SAAL1: variants seen among roughly 807,000 people sequenced by gnomAD.
SAAL1 encodes protein SAAL1.
SAAL1 carries 42 observed loss-of-function variants against 59.8 expected under a neutral mutation model. The observed-to-expected ratio is 0.70, with a 90% CI of 0.55 to 0.91. The LOEUF (loss-of-function observed/expected upper bound fraction) is 0.91, where lower values mean the gene tolerates loss of function less well. SAAL1 is among the 40% of genes least tolerant of loss of function. The pLI is 0.00. For missense variants in SAAL1, 542 were observed against 561.1 expected (o/e 0.97, Z 0.34); for synonymous variants, 191 against 194.3 (o/e 0.98, Z 0.14).
chr11:18,086,645 G>C (rs909729596), intron 9 of SAAL1, among the ~76,000 whole-genome samples: 1 of 152,110 alleles, frequency 6.6e-6, no homozygotes, highest in Non-Finnish European at 1.5e-5. Flanking sequence ...AGGTTACACT[G>C]AGCCAAGATT....
At position 18,087,054 on chromosome 11, in the gene SAAL1, A is replaced by G; in HGVS notation, c.854T>C (p.Val285Ala). ...TTVDDGIQAI[V>A]HCPDTGKDIW... Reference sequence around the variant, plus strand: ...GTCTTTTCCAGTGTCAGGACAATGTACTTAATAAAGAGGACAAATAAAGCA... The same window carrying G: ...GTCTTTTCCAGTGTCAGGACAATGTGCTTAATAAAGAGGACAAATAAAGCA... The change falls in exon 9 of 12, where the codon GTA becomes GCA. Residue 285 changes from valine to alanine, a missense_variant and splice_region_variant. Val to Ala is a moderately conservative substitution (Grantham distance 64). Coordinates refer to ENST00000524803, the MANE Select transcript of SAAL1 (RefSeq NM_138421.3). 6.2e-7 allele frequency: 1 copy of G among 1,612,524 alleles called. No homozygotes were observed. Among genetic ancestry groups the G allele is most frequent in the Non-Finnish European group, 8.5e-7 (1 of 1,178,590 alleles).
chr11:18,105,988 C>T lies in SAAL1; in HGVS notation c.54G>A (p.Glu18=), dbSNP rs1361437285. 21 of 1,609,180 alleles carry T rather than the reference C, an allele frequency of 1.3e-5. No individual in the cohort carries two copies. The highest frequency in any genetic ancestry group is 1.8e-5 in the Non-Finnish European group (21 of 1,178,546). ...CTATGCAGTCTCCACCGGCCACCTC[C>T]TCCTCCTCCTCCTTGTCGCGACCCG... ...PPPGRDKEEE[E]EVAGGDCIGS... Residue 18 remains glutamate (E), a synonymous_variant, in exon 1 of 12, where the codon GAG becomes GAA. Transcript: ENST00000524803.
chr11:18,090,312 A>G (rs1441618265), intron 5 of SAAL1, 22 bp from the exon 6 acceptor site: 5 of 1,572,060 alleles, frequency 3.2e-6, no homozygotes, highest in Non-Finnish European at 4.3e-6. Context: ...ACGTGGGTTG[A>G]ATTTCTACTT....
chr11:18,083,837 C>T (rs563634141), intron 9 of SAAL1, 106 bp from the exon 10 acceptor site: 48 of 583,992 alleles, frequency 8.2e-5, no homozygotes, highest in Non-Finnish European at 1.3e-4. Context: ...ATTACAGATA[C>T]ACTGGTAACA....
intron 9 of SAAL1, 34 bp downstream of exon 9, chr11:18,086,832 G>A: frequency 1.5e-6 from 2 of 1,345,890 alleles, no homozygotes; most frequent in Non-Finnish European, 2.0e-6. Flanking sequence ...TAAATGAAAT[G>A]AAAAACAGTA....
rs1007425122 is a variant in SAAL1, at chr11:18,105,763, G to C, written c.135+144C>G. ...TGGGGTCCGCAGCGGCCGGCGAAAC[G>C]CAAGGAGCAAGGTCCCGCAGCGCAC... On this transcript the variant is annotated intron_variant, in intron 1 of 11. Coordinates refer to ENST00000524803, the MANE Select transcript of SAAL1 (RefSeq NM_138421.3). 1.3e-5 allele frequency: 14 copies of C among 1,065,796 alleles called. No individual in the cohort carries two copies. In the Admixed American group the frequency reaches 1.4e-4, roughly 11 times the overall value. 66.0% of individuals were successfully genotyped at this position (1,065,796 alleles called of 1,614,324 possible).
chr11:18,091,590 T>C (rs908881079), intron 4 of SAAL1, among the ~76,000 whole-genome samples: 3 of 152,154 alleles, frequency 2.0e-5, no homozygotes, highest in Admixed American at 1.3e-4. Context: ...TTAACCTATT[T>C]TGGGTACAAA....
In SAAL1 at chr11:18,080,408, A is replaced by AC; in HGVS notation, c.1415_1416insG (p.Gln473SerfsTer15). 2.5e-6 allele frequency: 4 copies of AC among 1,588,606 alleles called. No homozygotes were observed. The highest frequency in any genetic ancestry group is 3.4e-6 in the Non-Finnish European group (4 of 1,170,880). On this transcript the variant is annotated frameshift_variant, in exon 12 of 12. Coordinates refer to ENST00000524803, the MANE Select transcript of SAAL1 (RefSeq NM_138421.3). LOFTEE classifies it high-confidence loss of function. ...AATTCCAATTCAGGTTTTAAGTCTG[A>AC]ACCTTCAAACTTGGGAAGTTTTTTT... is the stretch of plus-strand genomic sequence containing the variant.
At chr11:18,105,042 A>G (rs1848673278) in intron 1 of SAAL1, among the ~76,000 whole-genome samples, 1 of 152,164 alleles carries the variant, frequency 6.6e-6, no homozygotes. Flanking sequence ...TGTTGCCATT[A>G]TAATCTCACT....
At chr11:18,080,915 A>G (rs1337751762) in intron 11 of SAAL1, among the ~76,000 whole-genome samples, 1 of 152,212 alleles carries the variant, frequency 6.6e-6, no homozygotes, top group East Asian at 1.9e-4. Flanking sequence ...CTATAAATTC[A>G]GAGCTTATTT....
intron 3 of SAAL1, among the ~76,000 whole-genome samples, 185 bp downstream of exon 3, chr11:18,096,586 A>G (rs1848579086): frequency 6.6e-6 from 1 of 152,134 alleles, no homozygotes. Context: ...CCTGTCTCAA[A>G]AATAAAATAA....
chr11:18,093,510 A>G (rs1848543456), intron 3 of SAAL1, among the ~76,000 whole-genome samples: 1 of 152,208 alleles, frequency 6.6e-6, no homozygotes, highest in South Asian at 2.1e-4. Context: ...GAAGTTGAAA[A>G]GAACTTAAGA....
chr11:18,090,324 T>G (rs770484667), intron 5 of SAAL1, 34 bp from the exon 6 acceptor site: 3 of 1,376,600 alleles, frequency 2.2e-6, no homozygotes, highest in Non-Finnish European at 2.9e-6. Flanking sequence ...TTTCTACTTT[T>G]CAAAAAAAAA....
chr11:18,090,588 T>A, intron 4 of SAAL1, 95 bp from the exon 5 acceptor site: 1 of 1,333,872 alleles, frequency 7.5e-7, no homozygotes. Flanking sequence ...TATTGTGAAA[T>A]ACAGCATATA....
chr11:18,103,162 A>G, intron 2 of SAAL1, 71 bp downstream of exon 2: 1 of 1,019,812 alleles, frequency 9.8e-7, no homozygotes, highest in Non-Finnish European at 1.6e-6. Flanking sequence ...GAAGGACTGA[A>G]CCGTTTTTAA....
intron 3 of SAAL1, among the ~76,000 whole-genome samples, chr11:18,095,210 G>A (rs181213925): frequency 9.1e-4 from 139 of 152,258 alleles, no homozygotes; most frequent in African/African-American, 3.3e-3. Context: ...GGCAGCAGAC[G>A]GTGGCCAGCG....
Position 18,090,213 on chromosome 11 carries a change from T to C in SAAL1, c.551A>G (p.Tyr184Cys), listed in dbSNP as rs760186421. Residue 184 changes from tyrosine to cysteine, a missense_variant, in exon 6 of 12, where the codon TAT (tyrosine) becomes TGT (cysteine). Physicochemically the swap from Tyr to Cys is radical, Grantham distance 194. Coordinates refer to ENST00000524803, the MANE Select transcript of SAAL1 (RefSeq NM_138421.3). ...TGACATAATGAAGCAAATGCTATCA[T>C]AAATAGCTGGATGTTCCTGGATCCT... Reference protein sequence around the residue: ...VERIQEHPAIYDSICFIMSSS... With the variant: ...VERIQEHPAICDSICFIMSSS... The C allele has an allele frequency of 6.2e-7, 1 of 1,603,926 alleles. No individual in the cohort carries two copies. Among genetic ancestry groups the C allele is most frequent in the East Asian group, 2.2e-5 (1 of 44,744 alleles).
chr11:18,089,415 G>A lies in SAAL1; in HGVS notation c.685C>T (p.Pro229Ser). The change falls in exon 7 of 12, where the codon CCT becomes TCT. Residue 229 changes from proline (P) to serine (S), a missense_variant. Transcript: ENST00000524803. ...GACTCTTCCTGGGGTTGGTCCAGAG[G>A]CTGAGCAGCCCCATTTCTGACCCAT... ...LEWVRNGAAQPLDQPQEESEE... is the reference protein window; with the variant it reads ...LEWVRNGAAQSLDQPQEESEE... 1.2e-6 allele frequency: 2 copies of A among 1,611,648 alleles called. No homozygotes were observed. Among genetic ancestry groups the A allele is most frequent in the East Asian group, 2.2e-5 (1 of 44,698 alleles).
intron 7 of SAAL1, 67 bp from the exon 8 acceptor site, chr11:18,087,292 C>T: frequency 5.2e-6 from 5 of 963,150 alleles, no homozygotes; most frequent in Non-Finnish European, 8.2e-6. Flanking sequence ...ATCATTCCTC[C>T]ATTCAATAAA....
Sources: allele counts gnomAD v4.1 joint callset (sites outside exome capture counted in the v4.1 genomes callset), GRCh38; gene constraint gnomAD v4.1.1; transcripts MANE v1.5; gene names NCBI Gene and HGNC (gene_info 2026-07-23, HGNC 2026-07-21).